The following PTPN1 variants were observed in gnomAD, a reference collection of about 807,000 sequenced individuals.
PTPN1 encodes the protein protein tyrosine phosphatase non-receptor type 1, also known as tyrosine-protein phosphatase non-receptor type 1.
In PTPN1, 12 loss-of-function variants were observed where a neutral mutation model predicts 59.9. The observed-to-expected ratio is 0.20, with a 90% confidence interval of 0.13 to 0.32. The LOEUF is 0.32. PTPN1 is among the 10% of genes least tolerant of loss of function. The pLI is 1.00. For synonymous variants in PTPN1, 178 were observed against 203.6 expected, an observed-to-expected ratio of 0.87 and a Z score of 1.07; for missense variants, 356 against 549.2, an observed-to-expected ratio of 0.65 and a Z score of 3.52.
intron 1 of PTPN1, among the ~76,000 whole-genome samples, chr20:50,558,618 C>T (rs567723391): frequency 6.6e-6 from 1 of 152,130 alleles, no homozygotes; most frequent in Non-Finnish European, 1.5e-5. Context: ...ATAGACTTGC[C>T]ACTCACAGCT....
intron 4 of PTPN1, chr20:50,574,300 G>A (rs2082825210): frequency 2.0e-6 from 1 of 511,634 alleles, no homozygotes; most frequent in African/African-American, 2.0e-5. Flanking sequence ...GGGTTTGGAA[G>A]TCTGAGCCCT....
chr20:50,580,377 C>T (rs144248023), intron 8 of PTPN1, among the ~76,000 whole-genome samples: 2 of 152,238 alleles, frequency 1.3e-5, no homozygotes, highest in East Asian at 3.9e-4. Context: ...AGGTTAACAA[C>T]CATTATTGAG....
chr20:50,523,734 C>T (rs2082561256), intron 1 of PTPN1, among the ~76,000 whole-genome samples: 1 of 152,168 alleles, frequency 6.6e-6, no homozygotes, highest in South Asian at 2.1e-4. Context: ...GTGATAAGAG[C>T]TCTTACAGGC....
At chr20:50,564,590 G>A (rs1400629707) in intron 2 of PTPN1, among the ~76,000 whole-genome samples, 3 of 151,712 alleles carry the variant, frequency 2.0e-5, no homozygotes, top group African/African-American at 7.3e-5. Context: ...TGAGACTCTT[G>A]ACTCAAAAAA....
In PTPN1 at chr20:50,582,800, G is replaced by T. The variant is rs756917661; in HGVS notation, c.*85G>T. 6.4e-7 allele frequency: 1 copy of T among 1,560,082 alleles called. No homozygotes were observed. The highest frequency in any genetic ancestry group is 8.8e-7 in the Non-Finnish European group (1 of 1,139,182). On this transcript the variant is annotated 3_prime_UTR_variant, in exon 10 of 10. Coordinates refer to ENST00000371621, the MANE Select transcript of PTPN1 (RefSeq NM_002827.4). This position sits in a 1 kb window ranked among gnomAD's most constrained non-coding sequence, Gnocchi z 4.2. The stretch of plus-strand genomic sequence containing the variant: ...CCGACTAGCAGGCATGCCGCGGTAG[G>T]TAAGGGCCGCCGGACCGCGTAGAGA...
At chr20:50,537,493 C>T (rs1413840582) in intron 1 of PTPN1, among the ~76,000 whole-genome samples, 1 of 152,166 alleles carries the variant, frequency 6.6e-6, no homozygotes, top group Non-Finnish European at 1.5e-5. Flanking sequence ...ATTCATATTT[C>T]CCCAGTGTTA....
At chr20:50,576,742 G>A (rs2082838673) in intron 5 of PTPN1, among the ~76,000 whole-genome samples, 1 of 151,826 alleles carries the variant, frequency 6.6e-6, no homozygotes, top group Non-Finnish European at 1.5e-5. Flanking sequence ...CGGGCGTGGT[G>A]GCGGGCACCT....
intron 1 of PTPN1, among the ~76,000 whole-genome samples, chr20:50,555,255 A>C (rs1160152512): frequency 6.6e-6 from 1 of 152,230 alleles, no homozygotes; most frequent in Non-Finnish European, 1.5e-5. Context: ...TAACAGTATC[A>C]GGAAGAAAAA....
intron 1 of PTPN1, among the ~76,000 whole-genome samples, chr20:50,550,000 T>G (rs1224177829): frequency 1.3e-5 from 2 of 152,178 alleles, no homozygotes; most frequent in Admixed American, 6.5e-5. Flanking sequence ...GATTTGTGAT[T>G]AACAAAATTT....
At chr20:50,525,510 A>G (rs932126936) in intron 1 of PTPN1, among the ~76,000 whole-genome samples, 3 of 152,172 alleles carry the variant, frequency 2.0e-5, no homozygotes, top group Non-Finnish European at 2.9e-5. Flanking sequence ...AGATAACAGA[A>G]CTAGCTGTCT....
intron 1 of PTPN1, among the ~76,000 whole-genome samples, chr20:50,554,630 A>G (rs1375264193): frequency 6.9e-6 from 1 of 144,704 alleles, no homozygotes. Flanking sequence ...AAAAATAAAA[A>G]TACATCATAT....
intron 1 of PTPN1, among the ~76,000 whole-genome samples, chr20:50,539,907 A>G (rs1033518396): frequency 2.6e-4 from 40 of 151,134 alleles, no homozygotes; most frequent in African/African-American, 8.5e-4. Flanking sequence ...TTTCAGGAAA[A>G]TCTTGAATTA....
At chr20:50,528,828 G>A (rs755387075) in intron 1 of PTPN1, among the ~76,000 whole-genome samples, 3 of 152,026 alleles carry the variant, frequency 2.0e-5, no homozygotes, top group Non-Finnish European at 2.9e-5. Context: ...TTCATGAATT[G>A]GAAACCGTGA....
At chr20:50,566,699 T>C (rs1215797872) in intron 3 of PTPN1, among the ~76,000 whole-genome samples, 4 of 152,170 alleles carry the variant, frequency 2.6e-5, no homozygotes, top group Non-Finnish European at 5.9e-5. Context: ...CAGAGAATAA[T>C]GTCCAAGGGG....
At chr20:50,559,431 T>C (rs2122774608) in intron 1 of PTPN1, among the ~76,000 whole-genome samples, 1 of 152,332 alleles carries the variant, frequency 6.6e-6, no homozygotes, top group South Asian at 2.1e-4. Context: ...GCTAATCACC[T>C]CATCCTTTGA....
chr20:50,559,984 G>GC (rs1256620985), intron 1 of PTPN1, among the ~76,000 whole-genome samples: 10 of 152,014 alleles, frequency 6.6e-5, no homozygotes, highest in Non-Finnish European at 1.3e-4. Flanking sequence ...AGAACCTTGA[G>GC]CAGGTGTAAG....
chr20:50,559,806 A>G (rs1455140818), intron 1 of PTPN1, among the ~76,000 whole-genome samples: 1 of 149,566 alleles, frequency 6.7e-6, no homozygotes, highest in Non-Finnish European at 1.5e-5. Flanking sequence ...CTTTCTGAGT[A>G]TATTAATATG....
At chr20:50,556,140 T>G (rs569094380) in intron 1 of PTPN1, among the ~76,000 whole-genome samples, 1 of 152,038 alleles carries the variant, frequency 6.6e-6, no homozygotes, top group East Asian at 1.9e-4. Context: ...TACTCTTAGG[T>G]AGGTTTGTAA....
chr20:50,542,195 C>G (rs1445092629), intron 1 of PTPN1, among the ~76,000 whole-genome samples: 1 of 152,170 alleles, frequency 6.6e-6, no homozygotes, highest in Non-Finnish European at 1.5e-5. Flanking sequence ...CTTAATATAC[C>G]TAGGGGATTG....
Sources: gnomAD v4.1 joint callset for allele counts (sites outside exome capture counted in the v4.1 genomes callset) on GRCh38, gnomAD v4.1.1 for gene constraint, Gnocchi (gnomAD v3.1) non-coding constraint, MANE v1.5 for transcripts, NCBI Gene and HGNC (gene_info 2026-07-23, HGNC 2026-07-21) for gene names.